Variants in ITPR2 observed in about 807,000 individuals in gnomAD.
ITPR2 encodes the protein inositol 1,4,5-trisphosphate-gated calcium channel ITPR2.
Under a neutral mutation model 317.1 loss-of-function variants are expected in ITPR2, and 207 were observed. The ratio of observed to expected loss-of-function variants is 0.65; its 90% confidence interval spans 0.58 to 0.73. The LOEUF (loss-of-function observed/expected upper bound fraction) is 0.73. ITPR2 is among the 30% of genes least tolerant of loss of function. The pLI, the probability that ITPR2 is intolerant of heterozygous loss-of-function variation, is 0.00. For synonymous variants in ITPR2, 1,156 were observed against 1,149.1 expected (o/e 1.01, Z -0.12); for missense variants, 2,613 against 3,284.0 (o/e 0.80, Z 4.99).
intron 45 of ITPR2, among the ~76,000 whole-genome samples, chr12:26,455,377 C>T (rs974626778): frequency 3.8e-5 from 5 of 130,036 alleles, no homozygotes; most frequent in Admixed American, 2.4e-4. Context: ...AAAAGGTCAG[C>T]TTTTGTGAGA....
intron 37 of ITPR2, among the ~76,000 whole-genome samples, chr12:26,507,853 C>CTGTGTGTGTGTGTGTGTGTGTG (rs541133629): frequency 9.3e-6 from 1 of 107,428 alleles, no homozygotes; most frequent in Non-Finnish European, 2.2e-5. Flanking sequence ...CTACTCTTCT[C>CTGTGTGTGTGTGTGTGTGTGTG]TCTCTGTCTC....
At chr12:26,714,735 C>A (rs1200150065) in intron 8 of ITPR2, among the ~76,000 whole-genome samples, 2 of 152,106 alleles carry the variant, frequency 1.3e-5, no homozygotes, top group East Asian at 1.9e-4. Context: ...ATAAAAAGAT[C>A]CTTTAAGGAA....
intron 11 of ITPR2, among the ~76,000 whole-genome samples, chr12:26,683,962 T>C (rs7316723): frequency 0.19 from 28,740 of 152,116 alleles, 3,612 homozygotes; most frequent in East Asian, 0.56. Context: ...GTAAAAAGCA[T>C]TAGGGCCAAG....
intron 37 of ITPR2, among the ~76,000 whole-genome samples, chr12:26,541,326 AAAAT>A (rs1331341451): frequency 1.3e-5 from 2 of 152,116 alleles, no homozygotes; most frequent in Non-Finnish European, 2.9e-5. Context: ...TCAAAAAAAT[AAAAT>A]AAAATAACAC....
At chr12:26,587,999 T>C (rs993695874) in intron 32 of ITPR2, among the ~76,000 whole-genome samples, 4 of 152,154 alleles carry the variant, frequency 2.6e-5, no homozygotes, top group African/African-American at 4.8e-5. Context: ...AAATAAGATT[T>C]ACAGATGGCA....
intron 55 of ITPR2, among the ~76,000 whole-genome samples, chr12:26,383,571 C>A (rs1032628340): frequency 6.6e-6 from 1 of 151,960 alleles, no homozygotes; most frequent in South Asian, 2.1e-4. Flanking sequence ...ACAAGCTCCA[C>A]CTCCCAGGTT....
At chr12:26,772,749 T>C (rs1949894770) in intron 2 of ITPR2, among the ~76,000 whole-genome samples, 1 of 151,528 alleles carries the variant, frequency 6.6e-6, no homozygotes, top group Non-Finnish European at 1.5e-5. Context: ...TTCTTTTTCT[T>C]TTTTTACTTT....
At chr12:26,697,617 T>G (rs756200808) in intron 9 of ITPR2, among the ~76,000 whole-genome samples, 39 of 152,244 alleles carry the variant, frequency 2.6e-4, no homozygotes, top group Non-Finnish European at 5.0e-4. Flanking sequence ...GAGATCATCC[T>G]GGCCAACATG....
chr12:26,483,576 T>G lies in ITPR2; in HGVS notation c.6012+122A>C, dbSNP rs374812100. 136 of 701,250 alleles carry G rather than the reference T, an allele frequency of 1.9e-4. No individual in the cohort carries two copies. In the African/African-American group the frequency reaches 2.2e-3, roughly 11 times the overall value. The allele number at this position is 701,250 out of a possible 1,614,324, so 43.4% of individuals were successfully genotyped here. ...TTGTCTATAATTCAGTCTTTGTATG[T>G]TTTATTAGGAAAGTAAAAATGTCTG... On this transcript the variant is annotated intron_variant, in intron 42 of 56. Transcript: ENST00000381340.
At chr12:26,786,449 T>TTAAAAAAAAAAA (rs60115178) in intron 2 of ITPR2, among the ~76,000 whole-genome samples, 3 of 119,242 alleles carry the variant, frequency 2.5e-5, no homozygotes, top group African/African-American at 1.1e-4. Flanking sequence ...GAATGATCAA[T>TTAAAAAAAAAAA]AAAAAAAAAA....
chr12:26,533,385 T>A (rs1565585807), intron 37 of ITPR2, among the ~76,000 whole-genome samples: 2 of 152,238 alleles, frequency 1.3e-5, no homozygotes, highest in Non-Finnish European at 2.9e-5. Context: ...ACTTCTTAAA[T>A]CTGTTTGTAG....
At chr12:26,408,824 T>C (rs1224513457) in intron 52 of ITPR2, among the ~76,000 whole-genome samples, 1 of 152,150 alleles carries the variant, frequency 6.6e-6, no homozygotes, top group East Asian at 1.9e-4. Context: ...AATGCAAGCA[T>C]AGGGCCACTG....
chr12:26,716,024 TA>T (rs1415795614), intron 6 of ITPR2, 119 bp downstream of exon 6: 24 of 737,626 alleles, frequency 3.3e-5, no homozygotes, highest in Non-Finnish European at 3.0e-5. Context: ...ACCTTAGGGA[TA>T]TTAATTAGAA....
At chr12:26,587,104 TTTTC>T (rs1399760118) in intron 32 of ITPR2, among the ~76,000 whole-genome samples, 1 of 151,664 alleles carries the variant, frequency 6.6e-6, no homozygotes, top group African/African-American at 2.4e-5. Context: ...TCAGACCACA[TTTTC>T]TTTGTTTTCA....
chr12:26,689,514 G>A (rs1181356962), intron 10 of ITPR2, among the ~76,000 whole-genome samples: 1 of 151,678 alleles, frequency 6.6e-6, no homozygotes, highest in East Asian at 1.9e-4. Flanking sequence ...TGGAGGGAAG[G>A]GCAAACTCAA....
chr12:26,541,703 A>T (rs914873287), intron 37 of ITPR2, among the ~76,000 whole-genome samples: 2 of 152,236 alleles, frequency 1.3e-5, no homozygotes, highest in African/African-American at 2.4e-5. Context: ...ATTTGCAACA[A>T]TGCAATTATT....
In ITPR2 at chr12:26,794,192, A is replaced by G. The variant is rs142639311; in HGVS notation, c.93-3965T>C. Among the ~76,000 whole-genome samples the G allele has an allele frequency of 2.5e-3, 378 of 152,348 alleles. 2 individuals carry two copies. The highest frequency in any genetic ancestry group is 0.017 in the South Asian group (83 of 4,832). ...TTTAATAGCTACTTTGATTTTATACATAAGTATGAATTTTGTAAATGTGAA... is the reference window on the plus strand; with the variant it reads ...TTTAATAGCTACTTTGATTTTATACGTAAGTATGAATTTTGTAAATGTGAA... On this transcript the variant is annotated intron_variant, in intron 1 of 56. Transcript: ENST00000381340.
intron 42 of ITPR2, among the ~76,000 whole-genome samples, chr12:26,482,238 T>TA (rs1292818678): frequency 5.9e-5 from 9 of 152,346 alleles, no homozygotes; most frequent in Admixed American, 2.6e-4. Flanking sequence ...TTCCCAAACT[T>TA]AAAGAGAATC....
At chr12:26,581,277 G>A (rs1040993782) in intron 32 of ITPR2, among the ~76,000 whole-genome samples, 3 of 152,152 alleles carry the variant, frequency 2.0e-5, no homozygotes, top group African/African-American at 7.2e-5. Context: ...AGATCTGGGA[G>A]CACTAATGCC....
Sources: gnomAD v4.1 joint callset for allele counts (sites outside exome capture counted in the v4.1 genomes callset) on GRCh38, gnomAD v4.1.1 for gene constraint, MANE v1.5 for transcripts, NCBI Gene and HGNC (gene_info 2026-07-23, HGNC 2026-07-21) for gene names.